PLD1: variants seen among roughly 807,000 people sequenced by gnomAD.
PLD1 encodes phospholipase D1, also known as choline phosphatase 1.
PLD1 carries 112 observed loss-of-function variants against 137.1 expected under a neutral mutation model. The observed-to-expected ratio is 0.82, with a 90% confidence interval of 0.70 to 0.96. PLD1 has a LOEUF of 0.96. Among genes scored for constraint, PLD1 ranks in the 40% least tolerant of loss-of-function variants. The pLI, the probability that PLD1 is intolerant of heterozygous loss-of-function variation, is 0.00. For missense variants in PLD1, 1,321 were observed against 1,342.0 expected (o/e 0.98, Z 0.24); for synonymous variants, 431 against 454.7 (o/e 0.95, Z 0.66).
chr3:171,682,411 C>G (rs1233078539), intron 16 of PLD1, among the ~76,000 whole-genome samples: 1 of 152,128 alleles, frequency 6.6e-6, no homozygotes, highest in East Asian at 1.9e-4. Flanking sequence ...AGGTTTAATT[C>G]AACAAGGAGC....
intron 23 of PLD1, among the ~76,000 whole-genome samples, chr3:171,633,080 C>T (rs1578148453): frequency 6.6e-6 from 1 of 152,128 alleles, no homozygotes; most frequent in East Asian, 1.9e-4. Flanking sequence ...ACATTTTGGA[C>T]AAATGCGAGT....
chr3:171,606,899 T>A (rs374097891), intron 25 of PLD1, among the ~76,000 whole-genome samples: 2 of 152,208 alleles, frequency 1.3e-5, no homozygotes, highest in African/African-American at 4.8e-5. Context: ...AGAATTAGAA[T>A]TCCTGGGTCA....
intron 11 of PLD1, among the ~76,000 whole-genome samples, chr3:171,706,423 C>A (rs1289581496): frequency 6.7e-6 from 1 of 149,364 alleles, no homozygotes; most frequent in African/African-American, 2.5e-5. Flanking sequence ...AACATGTATT[C>A]TTTTACCTGG....
At chr3:171,640,324 C>T (rs1735630802) in intron 23 of PLD1, among the ~76,000 whole-genome samples, 1 of 152,018 alleles carries the variant, frequency 6.6e-6, no homozygotes. Context: ...TCCCTGTAAG[C>T]ATTGCTATAG....
intron 23 of PLD1, among the ~76,000 whole-genome samples, chr3:171,624,734 T>C (rs144674975): frequency 4.6e-5 from 7 of 152,214 alleles, no homozygotes; most frequent in Non-Finnish European, 7.4e-5. Flanking sequence ...TGTGAATTAA[T>C]AGGGAGTGAT....
chr3:171,637,881 A>G (rs1023553458), intron 23 of PLD1, among the ~76,000 whole-genome samples: 9 of 152,136 alleles, frequency 5.9e-5, no homozygotes, highest in Admixed American at 4.6e-4. Flanking sequence ...TAAGAGATCA[A>G]AAATGATACA....
chr3:171,636,183 G>T (rs1340815909), intron 23 of PLD1, among the ~76,000 whole-genome samples: 1 of 151,230 alleles, frequency 6.6e-6, no homozygotes, highest in Non-Finnish European at 1.5e-5. Flanking sequence ...TATTATTGTG[G>T]GTTTACTGCA....
At chr3:171,751,223 A>T (rs908240064) in intron 1 of PLD1, among the ~76,000 whole-genome samples, 2 of 152,254 alleles carry the variant, frequency 1.3e-5, no homozygotes, top group African/African-American at 4.8e-5. Context: ...GCTAAACATG[A>T]ACTACAAACA....
At chr3:171,710,476 G>A (rs967189184) in intron 9 of PLD1, among the ~76,000 whole-genome samples, 1 of 152,280 alleles carries the variant, frequency 6.6e-6, no homozygotes, top group South Asian at 2.1e-4. Context: ...TGAGGAGCGC[G>A]CAGCCGAGAT....
At chr3:171,767,746 G>C (rs1273495189) in intron 1 of PLD1, among the ~76,000 whole-genome samples, 5 of 152,152 alleles carry the variant, frequency 3.3e-5, no homozygotes, top group Admixed American at 3.3e-4. Context: ...TAAGGAAAAG[G>C]CTTAGAACAG....
At chr3:171,748,917 C>A (rs1720462810) in intron 1 of PLD1, among the ~76,000 whole-genome samples, 1 of 150,680 alleles carries the variant, frequency 6.6e-6, no homozygotes, top group South Asian at 2.1e-4. Context: ...GCCCAAAGTC[C>A]ATATATTCCT....
chr3:171,667,778 T>A (rs1712296057), intron 19 of PLD1, among the ~76,000 whole-genome samples: 1 of 152,208 alleles, frequency 6.6e-6, no homozygotes, highest in Non-Finnish European at 1.5e-5. Context: ...GGTTTTGAGA[T>A]GGAGTCTCTG....
At chr3:171,754,387 T>C (rs962934649) in intron 1 of PLD1, among the ~76,000 whole-genome samples, 1 of 152,210 alleles carries the variant, frequency 6.6e-6, no homozygotes, top group Non-Finnish European at 1.5e-5. Flanking sequence ...GAAACTATTA[T>C]TTTTAACCTT....
At chr3:171,674,926 T>C (rs1231332280) in intron 18 of PLD1, among the ~76,000 whole-genome samples, 1 of 135,932 alleles carries the variant, frequency 7.4e-6, no homozygotes, top group Admixed American at 8.3e-5. Flanking sequence ...TTGCAGTGAG[T>C]CGAGATTTCA....
intron 23 of PLD1, 63 bp downstream of exon 23, chr3:171,642,777 G>A (rs1051067546): frequency 1.1e-6 from 1 of 878,602 alleles, no homozygotes; most frequent in Non-Finnish European, 1.9e-6. Flanking sequence ...AAACATTAAT[G>A]ATTACTGATA....
At chr3:171,737,169 A>G (rs1203466270) in intron 3 of PLD1, among the ~76,000 whole-genome samples, 1 of 152,248 alleles carries the variant, frequency 6.6e-6, no homozygotes, top group African/African-American at 2.4e-5. Context: ...TTGTTGACTT[A>G]TACCTGCCAT....
chr3:171,692,561 C>T, intron 12 of PLD1, 119 bp from the exon 13 acceptor site: 1 of 617,384 alleles, frequency 1.6e-6, no homozygotes, highest in Middle Eastern at 3.4e-4. Flanking sequence ...CACTCTGTCA[C>T]CCAGCCTGGA....
At position 171,737,660 on chromosome 3, in the gene PLD1, CT is replaced by C; in HGVS notation, c.161-2del. 6.6e-7 allele frequency: 1 copy of C among 1,508,166 alleles called. No homozygotes were observed. The allele number at this position is 1,508,166 out of a possible 1,614,324, so 93.4% of individuals were successfully genotyped here. A position where few individuals can be genotyped will look rare whatever the true frequency, so the allele number is the denominator to read the frequency against. On this transcript the variant is annotated splice_acceptor_variant, in intron 2 of 26. Coordinates refer to ENST00000351298, the MANE Select transcript of PLD1 (RefSeq NM_002662.5). LOFTEE classifies it high-confidence loss of function. ...TAAATAGCAGAGAAAGGGATATACA[CT>C]AAAAAAAAAAGTAAATAAAGTTAAT...
chr3:171,630,870 G>C (rs867485109), intron 23 of PLD1, among the ~76,000 whole-genome samples: 26 of 124,404 alleles, frequency 2.1e-4, no homozygotes, highest in Non-Finnish European at 3.5e-4. Flanking sequence ...GTTGTGGGGT[G>C]GGGGGAGGGG....
Sources: gnomAD v4.1 joint callset for allele counts (sites outside exome capture counted in the v4.1 genomes callset) on GRCh38, gnomAD v4.1.1 for gene constraint, MANE v1.5 for transcripts, NCBI Gene and HGNC (gene_info 2026-07-23, HGNC 2026-07-21) for gene names.